The following TRIM14 variants were observed in gnomAD, a reference collection of about 807,000 sequenced individuals.
TRIM14 encodes the protein tripartite motif-containing protein 14.
Under a neutral mutation model 44.5 loss-of-function variants are expected in TRIM14, and 28 were observed. The observed-to-expected ratio is 0.63, with a 90% CI of 0.47 to 0.86. The LOEUF is 0.86. Ranked by LOEUF, TRIM14 falls within the 40% of genes least tolerant of loss-of-function variation. The probability of loss-of-function intolerance (pLI) is 0.00; values close to 1 mark genes in which losing one functional copy is unlikely to be tolerated. For synonymous variants in TRIM14, 299 were observed against 269.2 expected (o/e 1.11, Z -1.08); for missense variants, 607 against 611.1 (o/e 0.99, Z 0.07).
the TRIM14 span, among the ~76,000 whole-genome samples, chr9:98,036,146 G>A: frequency 6.6e-6 from 1 of 151,584 alleles, no homozygotes; most frequent in Non-Finnish European, 1.5e-5. Flanking sequence ...GCAGTGAGCA[G>A]AGATCGTGCC....
At chr9:98,066,647 T>C (rs919758415), downstream of TRIM14, among the ~76,000 whole-genome samples, 2 of 147,582 alleles carry the variant, frequency 1.4e-5, no homozygotes, top group Middle Eastern at 3.2e-3. Context: ...AGGCAACCAC[T>C]TACCGATTTT....
At chr9:98,090,335 T>A (rs1048228771) in intron 5 of TRIM14, among the ~76,000 whole-genome samples, 4 of 151,984 alleles carry the variant, frequency 2.6e-5, no homozygotes, top group African/African-American at 9.7e-5. Flanking sequence ...CACAGAAGGG[T>A]ATAGTGTGAA....
chr9:98,080,551 A>G (rs2118015945), downstream of TRIM14, among the ~76,000 whole-genome samples: 1 of 152,380 alleles, frequency 6.6e-6, no homozygotes, highest in East Asian at 1.9e-4. Context: ...AATGTGAAAC[A>G]TTCTTAAAAT....
At chr9:98,078,807 C>A (rs931910964) in intron 6 of TRIM14, among the ~76,000 whole-genome samples, 3 of 145,902 alleles carry the variant, frequency 2.1e-5, no homozygotes, top group Non-Finnish European at 4.5e-5. Context: ...TGCACTCAAG[C>A]CTGGGTGACA....
chr9:98,077,924 C>G, intron 6 of TRIM14: 1 of 485,032 alleles, frequency 2.1e-6, no homozygotes, highest in Non-Finnish European at 3.7e-6. Context: ...ACTCATTTTC[C>G]TCTTGGCAGT....
At chr9:98,044,691 G>A in the TRIM14 span, among the ~76,000 whole-genome samples, 1 of 151,952 alleles carries the variant, frequency 6.6e-6, no homozygotes, top group Non-Finnish European at 1.5e-5. Context: ...TCTTTCTCTT[G>A]GATGCTGAGT....
chr9:98,045,910 T>C, the TRIM14 span, among the ~76,000 whole-genome samples: 1 of 152,144 alleles, frequency 6.6e-6, no homozygotes, highest in Non-Finnish European at 1.5e-5. Flanking sequence ...TTTGAGGAAA[T>C]TTCTGTTCCA....
At chr9:98,075,058 C>G (rs1228893710) in intron 6 of TRIM14, 1 of 151,970 alleles carries the variant, frequency 6.6e-6, no homozygotes, top group Non-Finnish European at 1.5e-5. Context: ...GCAACCCCAG[C>G]ACTGTGGGAG....
rs762688206 is a variant in TRIM14, at chr9:98,094,979, C to G, written c.588G>C (p.Glu196Asp). The G allele has an allele frequency of 1.2e-6, 2 of 1,614,136 alleles. No homozygotes were observed. Among genetic ancestry groups the G allele is most frequent in the East Asian group, 4.5e-5 (2 of 44,878 alleles). ...AGGAGAGGGGCACGGGATGGCACAG[C>G]TCCCCGAGGCTCATCTGCTGCTGCA... ...QEMQQQMSLG[E>D]LCHPVPLSFE... The change falls in exon 4 of 6, where the codon GAG becomes GAC. Residue 196 changes from glutamate (E) to aspartate (D), a missense_variant. By Grantham distance (45) the Glu-to-Asp change is conservative. Around this residue, in one of 3 missense-constraint regions of TRIM14, gnomAD observed 246 missense variants for 270.8 expected, o/e 0.91. Transcript: ENST00000341469.
the TRIM14 span, among the ~76,000 whole-genome samples, chr9:98,045,097 A>T: frequency 1.3e-5 from 2 of 152,146 alleles, no homozygotes; most frequent in African/African-American, 4.8e-5. Flanking sequence ...TAGGTGACAG[A>T]GCAGACTCTG....
the TRIM14 span, among the ~76,000 whole-genome samples, chr9:98,042,247 G>A: frequency 1.4e-5 from 2 of 147,224 alleles, no homozygotes; most frequent in Non-Finnish European, 3.0e-5. Context: ...GAGCCAAGAT[G>A]GTGTCACTGC....
intron 1 of TRIM14, among the ~76,000 whole-genome samples, chr9:98,113,153 A>G (rs1350286982): frequency 6.7e-6 from 1 of 150,186 alleles, no homozygotes; most frequent in African/African-American, 2.4e-5. Context: ...AATTTTTTAT[A>G]AGTTTTTCTA....
chr9:98,053,649 A>G, the TRIM14 span, among the ~76,000 whole-genome samples: 1 of 151,834 alleles, frequency 6.6e-6, no homozygotes, highest in Non-Finnish European at 1.5e-5. Flanking sequence ...ACACACACAC[A>G]CACATACAGG....
intron 3 of TRIM14, among the ~76,000 whole-genome samples, chr9:98,097,966 C>A (rs1365908819): frequency 6.6e-6 from 1 of 152,200 alleles, no homozygotes; most frequent in African/African-American, 2.4e-5. Flanking sequence ...AAACAGCTGA[C>A]AATGAGACAC....
chr9:98,043,404 T>G, the TRIM14 span, among the ~76,000 whole-genome samples: 1 of 152,090 alleles, frequency 6.6e-6, no homozygotes, highest in Non-Finnish European at 1.5e-5. Context: ...TGACCTCAGG[T>G]GATCTGCCCA....
At chr9:98,092,285 T>C (rs1327341332) in intron 4 of TRIM14, among the ~76,000 whole-genome samples, 1 of 151,956 alleles carries the variant, frequency 6.6e-6, no homozygotes, top group African/African-American at 2.4e-5. Flanking sequence ...AGGGTAAAGA[T>C]GGAAAACAAG....
Position 98,118,902 on chromosome 9 carries a change from G to A in TRIM14, c.207+80C>T, listed in dbSNP as rs1383575038. 1.1e-5 allele frequency: 15 copies of A among 1,387,694 alleles called. No homozygotes were observed. In the South Asian group the frequency reaches 2.2e-4, roughly 20 times the overall value. The allele number at this position is 1,387,694 out of a possible 1,614,324, so 86.0% of individuals were successfully genotyped here. A position where few individuals can be genotyped will look rare whatever the true frequency, so the allele number is the denominator to read the frequency against. On this transcript the variant is annotated intron_variant, in intron 1 of 5. Coordinates refer to ENST00000341469, the MANE Select transcript of TRIM14 (RefSeq NM_014788.4). ...GTAACCCGCCACTGGCCACGGCCAG[G>A]CACGCCCCCTCCTCGGCCGTTATGC...
the TRIM14 span, among the ~76,000 whole-genome samples, chr9:98,044,035 G>A: frequency 1.4e-5 from 2 of 145,928 alleles, no homozygotes; most frequent in African/African-American, 5.1e-5. Flanking sequence ...CTTAAAAGGA[G>A]GAACTGAGCT....
the TRIM14 span, among the ~76,000 whole-genome samples, chr9:98,061,449 C>T: frequency 4.8e-5 from 7 of 145,636 alleles, no homozygotes; most frequent in Admixed American, 1.4e-4. Context: ...TGTGCTCCAG[C>T]CTGGGCAACA....
Sources: allele counts gnomAD v4.1 joint callset (sites outside exome capture counted in the v4.1 genomes callset), GRCh38; gene constraint gnomAD v4.1.1; regional missense constraint gnomAD v4.1.1; transcripts MANE v1.5; gene names NCBI Gene and HGNC (gene_info 2026-07-23, HGNC 2026-07-21).